Variants in OTC observed in about 807,000 individuals in gnomAD.
OTC encodes the protein ornithine transcarbamylase, mitochondrial.
OTC carries 3 observed loss-of-function variants against 30.3 expected under a neutral mutation model. The observed-to-expected ratio is 0.10, with a 90% CI of 0.05 to 0.26. OTC has a LOEUF of 0.26. Among genes scored for constraint, OTC ranks in the 10% least tolerant of loss-of-function variants. OTC has a pLI of 1.00. For synonymous variants in OTC, 111 were observed against 99.7 expected (o/e 1.11, Z -0.67); for missense variants, 194 against 260.3 (o/e 0.75, Z 1.75).
At chrX:38,334,429 C>G in the OTC span, among the ~76,000 whole-genome samples, 1 of 111,322 alleles carries the variant, frequency 9.0e-6, no homozygotes, top group African/African-American at 3.3e-5. Context: ...AACCAAAAGC[C>G]AGAAGACATG....
At chrX:38,339,336 G>A in the OTC span, among the ~76,000 whole-genome samples, 49 of 111,089 alleles carry the variant, frequency 4.4e-4, no homozygotes, top group Non-Finnish European at 7.2e-4. Flanking sequence ...AAGGTACTAT[G>A]CTTACATGAG....
At chrX:38,391,870 T>C (rs908548338) in intron 4 of OTC, among the ~76,000 whole-genome samples, 1 of 111,572 alleles carries the variant, frequency 9.0e-6, no homozygotes. Context: ...TCTTGAATGA[T>C]ATTTTGTCTG....
chrX:38,378,115 C>A (rs1392227045), intron 3 of OTC, among the ~76,000 whole-genome samples: 2 of 105,425 alleles, frequency 1.9e-5, no homozygotes, highest in African/African-American at 7.0e-5. Context: ...GGATTACAGG[C>A]GTGAGCCACC....
chrX:38,352,439 G>A, upstream of OTC: 1 of 355,145 alleles, frequency 2.8e-6, no homozygotes, highest in Non-Finnish European at 5.0e-6. Context: ...AAATGAGGAG[G>A]CCAGGCAATA....
At chrX:38,412,485 G>A (rs976817642) in intron 9 of OTC, among the ~76,000 whole-genome samples, 1 of 111,718 alleles carries the variant, frequency 9.0e-6, no homozygotes, top group Non-Finnish European at 1.9e-5. Context: ...GTGTTTTTAG[G>A]TATAGAACAT....
chrX:38,393,860 G>T (rs2068441142), intron 4 of OTC, among the ~76,000 whole-genome samples: 1 of 112,031 alleles, frequency 8.9e-6, no homozygotes, highest in Admixed American at 9.5e-5. Flanking sequence ...CTCCAGAGGA[G>T]AATCCAATTC....
chrX:38,343,978 C>G, the OTC span, among the ~76,000 whole-genome samples: 3 of 110,729 alleles, frequency 2.7e-5, no homozygotes, highest in Non-Finnish European at 5.7e-5. Flanking sequence ...GGTGATGTAG[C>G]AAGAAAACAC....
At chrX:38,342,041 A>G in the OTC span, among the ~76,000 whole-genome samples, 29 of 65,314 alleles carry the variant, frequency 4.4e-4, no homozygotes, top group African/African-American at 1.8e-3. Context: ...TTTAATGGAG[A>G]TGGTGTCTCG....
At chrX:38,356,050 C>CAAA (rs138806207) in intron 1 of OTC, among the ~76,000 whole-genome samples, 16 of 52,660 alleles carry the variant, frequency 3.0e-4, no homozygotes, top group African/African-American at 8.4e-4. Context: ...GACTCTGTCT[C>CAAA]AAAAAAAAAA....
chrX:38,408,912 G>C lies in OTC; in HGVS notation c.754G>C (p.Glu252Gln), dbSNP rs754779865. 4 of 1,205,696 alleles carry C rather than the reference G, an allele frequency of 3.3e-6. No individual in the cohort carries two copies. In the South Asian group the frequency reaches 7.0e-5, roughly 21 times the overall value. The change falls in exon 8 of 10, where the codon GAA (glutamate) becomes CAA (glutamine). Residue 252 changes from glutamate (E) to glutamine (Q), a missense_variant. Physicochemically the swap from Glu to Gln is conservative, Grantham distance 29. Coordinates refer to ENST00000039007, the MANE Select transcript of OTC (RefSeq NM_000531.6). The stretch of plus-strand genomic sequence containing the variant: ...GCTGTTGCTGACAAATGATCCATTG[G>C]AAGCAGCGCATGGAGGCAATGTATT... ...TKLLLTNDPL[E>Q]AAHGGNVLIT...
intron 4 of OTC, chrX:38,395,511 A>C (rs983371747): frequency 7.8e-6 from 1 of 128,575 alleles, no homozygotes; most frequent in Admixed American, 8.5e-5. Context: ...TCAGGAAAGC[A>C]GAGGGGTTGG....
chrX:38,388,850 A>G (rs2068417870), intron 4 of OTC, among the ~76,000 whole-genome samples: 1 of 112,519 alleles, frequency 8.9e-6, no homozygotes, highest in Admixed American at 9.5e-5. Flanking sequence ...AACCAGTAGA[A>G]AAGAAAATGA....
chrX:38,352,631 C>T lies in OTC; in HGVS notation c.-66C>T. 6 of 851,270 alleles carry T rather than the reference C, an allele frequency of 7.0e-6. No individual in the cohort carries two copies. The highest frequency in any genetic ancestry group is 1.1e-5 in the Non-Finnish European group (6 of 568,733). 70.2% of individuals were successfully genotyped at this position (851,270 alleles called of 1,213,427 possible). The stretch of plus-strand genomic sequence containing the variant: ...CACATTTCTTAGTTTTTAGGTGGCC[C>T]CCGCTGGCTAACTTGCTGTGGAGTT... On this transcript the variant is annotated 5_prime_UTR_variant, in exon 1 of 10. Coordinates refer to ENST00000039007, the MANE Select transcript of OTC (RefSeq NM_000531.6).
the OTC span, among the ~76,000 whole-genome samples, chrX:38,341,027 A>T: frequency 9.0e-6 from 1 of 111,556 alleles, no homozygotes; most frequent in Non-Finnish European, 1.9e-5. Flanking sequence ...TGAACTCCTG[A>T]CCTCAAGTGA....
intron 1 of OTC, among the ~76,000 whole-genome samples, chrX:38,355,785 C>T (rs1252194997): frequency 1.8e-5 from 2 of 112,200 alleles, no homozygotes; most frequent in African/African-American, 6.5e-5. Flanking sequence ...GCTTGTAATC[C>T]CTGCACTTTG....
the OTC span, among the ~76,000 whole-genome samples, chrX:38,337,132 T>C: frequency 2.7e-5 from 3 of 111,698 alleles, no homozygotes; most frequent in Admixed American, 9.5e-5. Flanking sequence ...AAAAAACACA[T>C]ACAGGCCCAC....
At chrX:38,329,341 G>A in the OTC span, among the ~76,000 whole-genome samples, 1 of 111,567 alleles carries the variant, frequency 9.0e-6, no homozygotes, top group African/African-American at 3.3e-5. Context: ...TAATTGGTGA[G>A]CAGAAGCCCC....
chrX:38,331,511 C>T, the OTC span, among the ~76,000 whole-genome samples: 4 of 103,734 alleles, frequency 3.9e-5, no homozygotes, highest in East Asian at 1.2e-3. Flanking sequence ...CTAGAACTCC[C>T]GACCTCAGGT....
intron 9 of OTC, among the ~76,000 whole-genome samples, chrX:38,415,323 C>T (rs1160120040): frequency 9.2e-6 from 1 of 108,889 alleles, no homozygotes; most frequent in African/African-American, 3.3e-5. Flanking sequence ...AGGAGATCCA[C>T]CTGCCTCGGC....
Sources: gnomAD v4.1 joint callset for allele counts (sites outside exome capture counted in the v4.1 genomes callset) on GRCh38, gnomAD v4.1.1 for gene constraint, MANE v1.5 for transcripts, NCBI Gene and HGNC (gene_info 2026-07-23, HGNC 2026-07-21) for gene names.